The following SEMA3C variants were observed in gnomAD, a reference collection of about 807,000 sequenced individuals.
SEMA3C encodes semaphorin 3C, also known as semaphorin-3C.
A neutral mutation model predicts 89.4 loss-of-function variants in SEMA3C; 47 were observed. That is an observed-to-expected ratio of 0.53 (90% CI 0.42 to 0.67). The LOEUF is 0.67. Ranked by LOEUF, SEMA3C falls within the 30% of genes least tolerant of loss-of-function variation. The probability of loss-of-function intolerance (pLI) is 0.00; values close to 1 mark genes in which losing one functional copy is unlikely to be tolerated. For missense variants in SEMA3C, 839 were observed against 929.1 expected (o/e 0.90, Z 1.26); for synonymous variants, 310 against 320.2 (o/e 0.97, Z 0.34).
chr7:80,897,785 T>C (rs1791775625), intron 2 of SEMA3C, among the ~76,000 whole-genome samples: 1 of 152,248 alleles, frequency 6.6e-6, no homozygotes, highest in South Asian at 2.1e-4. Context: ...CTTTGCTTAG[T>C]CATAAATTTT....
At position 80,880,222 on chromosome 7, in the gene SEMA3C, C is replaced by A. The variant is rs938291825; in HGVS notation, c.103+36457G>T. On this transcript the variant is annotated intron_variant, in intron 2 of 17. Transcript: ENST00000265361. ...CATTTAATACCACAGTCTGCCCTTT[C>A]CCCATCCTTGCAGAACACCATTAAC... Among the ~76,000 whole-genome samples the A allele has an allele frequency of 3.9e-5, 6 of 152,178 alleles. No individual in the cohort carries two copies. In the South Asian group the frequency reaches 1.2e-3, roughly 32 times the overall value.
chr7:80,750,677 T>C (rs1286887288), intron 16 of SEMA3C, among the ~76,000 whole-genome samples: 2 of 151,740 alleles, frequency 1.3e-5, no homozygotes, highest in African/African-American at 2.4e-5. Context: ...ATGAGGTATC[T>C]AGAGAAGTTG....
At chr7:80,896,679 T>C (rs1791745447) in intron 2 of SEMA3C, among the ~76,000 whole-genome samples, 1 of 152,186 alleles carries the variant, frequency 6.6e-6, no homozygotes, top group Admixed American at 6.5e-5. Context: ...CAGTCCTGGT[T>C]GTTGTTTCTT....
chr7:80,802,579 G>T, intron 9 of SEMA3C, 86 bp downstream of exon 9: 1 of 767,648 alleles, frequency 1.3e-6, no homozygotes. Context: ...AATATGGAAA[G>T]TACATCTTCT....
At chr7:80,864,369 C>T (rs755089777) in intron 2 of SEMA3C, among the ~76,000 whole-genome samples, 28 of 151,728 alleles carry the variant, frequency 1.8e-4, no homozygotes, top group Admixed American at 9.2e-4. Context: ...CCAAATATCA[C>T]CTGTACCGCA....
Position 80,744,883 on chromosome 7 carries a change from A to G in SEMA3C, c.*11T>C. The G allele has an allele frequency of 1.2e-6, 2 of 1,613,832 alleles. No homozygotes were observed. The highest frequency in any genetic ancestry group is 1.3e-5 in the African/African-American group (1 of 75,020). Reference sequence around the variant, plus strand: ...TTGTTAATGGAAGCATAAGACCCACATAAGAAAATATTATGACTCTGGCAA... The same window carrying G: ...TTGTTAATGGAAGCATAAGACCCACGTAAGAAAATATTATGACTCTGGCAA... On this transcript the variant is annotated 3_prime_UTR_variant, in exon 18 of 18. Transcript: ENST00000265361.
chr7:80,807,613 C>T (rs1562884402), intron 6 of SEMA3C, among the ~76,000 whole-genome samples: 1 of 141,858 alleles, frequency 7.0e-6, no homozygotes, highest in Non-Finnish European at 1.6e-5. Context: ...TTTCTACTGA[C>T]TAGAAAAACT....
At chr7:80,886,340 C>A (rs534070970) in intron 2 of SEMA3C, among the ~76,000 whole-genome samples, 7 of 150,960 alleles carry the variant, frequency 4.6e-5, no homozygotes, top group East Asian at 3.9e-4. Context: ...GGATGTTGTA[C>A]AACTGGAAAT....
chr7:80,895,552 T>C (rs1396072235), intron 2 of SEMA3C, among the ~76,000 whole-genome samples: 1 of 152,162 alleles, frequency 6.6e-6, no homozygotes, highest in Admixed American at 6.5e-5. Context: ...TGCAAAAAAT[T>C]CGAATCCTTG....
At chr7:80,761,074 C>A (rs538047888) in intron 14 of SEMA3C, among the ~76,000 whole-genome samples, 2 of 152,052 alleles carry the variant, frequency 1.3e-5, no homozygotes, top group South Asian at 2.1e-4. Context: ...CAATTACAAT[C>A]AAATATTTCT....
chr7:80,847,909 T>C (rs1416391257), intron 2 of SEMA3C, among the ~76,000 whole-genome samples: 1 of 152,202 alleles, frequency 6.6e-6, no homozygotes, highest in East Asian at 1.9e-4. Context: ...AACTAAATAA[T>C]CAGTAAGATC....
chr7:80,827,474 G>C lies in SEMA3C; in HGVS notation c.278C>G (p.Ala93Gly). The C allele has an allele frequency of 6.3e-7, 1 of 1,591,916 alleles. No homozygotes were observed. Among genetic ancestry groups the C allele is most frequent in the Non-Finnish European group, 8.5e-7 (1 of 1,172,420 alleles). Residue 93 changes from alanine to glycine, a missense_variant, in exon 4 of 18, where the codon GCA becomes GGA. Coordinates refer to ENST00000265361, the MANE Select transcript of SEMA3C (RefSeq NM_006379.5). ...GCATTCTTCAACTTTGATTGTAGATGCTGGCCAGAAAACCTGCTCAGAAAG... is the reference window on the plus strand; with the variant it reads ...GCATTCTTCAACTTTGATTGTAGATCCTGGCCAGAAAACCTGCTCAGAAAG... ...SQEALSVFWP[A>G]STIKVEECKM...
At chr7:80,781,691 C>G (rs1475736736) in intron 12 of SEMA3C, among the ~76,000 whole-genome samples, 4 of 152,136 alleles carry the variant, frequency 2.6e-5, no homozygotes, top group African/African-American at 9.7e-5. Context: ...ACATCAAGAA[C>G]AAAAACTTAG....
chr7:80,815,973 A>G (rs1056365979), intron 5 of SEMA3C: 8 of 152,318 alleles, frequency 5.3e-5, no homozygotes, highest in Non-Finnish European at 1.0e-4. Flanking sequence ...TTATTCATTC[A>G]TTTAAAGTCA....
intron 2 of SEMA3C, among the ~76,000 whole-genome samples, chr7:80,872,266 T>C (rs1364747598): frequency 1.3e-5 from 2 of 152,068 alleles, no homozygotes; most frequent in East Asian, 3.9e-4. Context: ...TTCTCCAGCC[T>C]CAGCCTCCCA....
At chr7:80,793,019 G>C (rs1300053311) in intron 11 of SEMA3C, among the ~76,000 whole-genome samples, 1 of 152,126 alleles carries the variant, frequency 6.6e-6, no homozygotes, top group Non-Finnish European at 1.5e-5. Context: ...TAAAATATTT[G>C]TCCACTAACT....
At chr7:80,856,756 G>C (rs1790652371) in intron 2 of SEMA3C, among the ~76,000 whole-genome samples, 2 of 152,004 alleles carry the variant, frequency 1.3e-5, no homozygotes, top group Admixed American at 1.3e-4. Context: ...CATCTCTGCT[G>C]CTGATGAGCT....
At chr7:80,888,536 C>T (rs763355587) in intron 2 of SEMA3C, among the ~76,000 whole-genome samples, 2 of 151,944 alleles carry the variant, frequency 1.3e-5, no homozygotes, top group Non-Finnish European at 2.9e-5. Flanking sequence ...ACATTAAGTC[C>T]AATAATAATG....
chr7:80,744,641 G>A lies in SEMA3C; in HGVS notation c.*253C>T, dbSNP rs545914736. 13 of 498,638 alleles carry A rather than the reference G, an allele frequency of 2.6e-5. No homozygotes were observed. The East Asian group carries it at 4.1e-4, about 16-fold the overall frequency. 30.9% of individuals were successfully genotyped at this position (498,638 alleles called of 1,614,324 possible). On this transcript the variant is annotated 3_prime_UTR_variant, in exon 18 of 18. Coordinates refer to ENST00000265361, the MANE Select transcript of SEMA3C (RefSeq NM_006379.5). ...ACCATATCGATTTTGAAGAAAAGGT[G>A]AATAAAGATATAAATAAAATCTGGG...
Sources: gnomAD v4.1 joint callset for allele counts (sites outside exome capture counted in the v4.1 genomes callset) on GRCh38, gnomAD v4.1.1 for gene constraint, MANE v1.5 for transcripts, NCBI Gene and HGNC (gene_info 2026-07-23, HGNC 2026-07-21) for gene names.